The following MLLT10 variants were observed in gnomAD, a reference collection of about 807,000 sequenced individuals.
MLLT10 encodes MLLT10 histone lysine methyltransferase DOT1L cofactor.
MLLT10 carries 30 observed loss-of-function variants against 129.1 expected under a neutral mutation model. That is an observed-to-expected ratio of 0.23 (90% confidence interval 0.17 to 0.32). MLLT10 has a LOEUF of 0.32. Ranked by LOEUF, MLLT10 falls within the 10% of genes least tolerant of loss-of-function variation. The pLI is 1.00. For synonymous variants in MLLT10, 490 were observed against 446.4 expected (o/e 1.10, Z -1.23); for missense variants, 1,119 against 1,268.3 (o/e 0.88, Z 1.79).
intron 3 of MLLT10, among the ~76,000 whole-genome samples, chr10:21,580,669 C>T (rs181938416): frequency 2.0e-4 from 31 of 151,990 alleles, no homozygotes; most frequent in Middle Eastern, 3.4e-3. Flanking sequence ...GGATTACAGG[C>T]GTGAGCCTCC....
intron 4 of MLLT10, among the ~76,000 whole-genome samples, chr10:21,590,223 G>A (rs1012188142): frequency 2.6e-5 from 4 of 152,112 alleles, no homozygotes; most frequent in African/African-American, 9.7e-5. Flanking sequence ...TTACAGGCTT[G>A]AGCCCTTGGG....
chr10:21,590,156 G>A (rs2042364098), intron 4 of MLLT10, among the ~76,000 whole-genome samples: 1 of 151,978 alleles, frequency 6.6e-6, no homozygotes, highest in Non-Finnish European at 1.5e-5. Context: ...GCCGAGGGTC[G>A]TCTCGAACAT....
At chr10:21,668,363 C>G (rs759449198) in intron 9 of MLLT10, among the ~76,000 whole-genome samples, 24 of 151,996 alleles carry the variant, frequency 1.6e-4, no homozygotes, top group Non-Finnish European at 2.8e-4. Flanking sequence ...AATGGAATTC[C>G]CTAGTGCCAT....
intron 14 of MLLT10, among the ~76,000 whole-genome samples, chr10:21,718,694 T>C (rs2056920856): frequency 6.6e-6 from 1 of 152,216 alleles, no homozygotes; most frequent in Admixed American, 6.5e-5. Context: ...ATTTAGGAAA[T>C]GCAGATATTT....
chr10:21,738,541 A>G (rs1424201046), intron 21 of MLLT10: 9 of 1,285,434 alleles, frequency 7.0e-6, no homozygotes, highest in Non-Finnish European at 8.1e-6. Flanking sequence ...GTTCATTTAC[A>G]GGGATCAAAC....
intron 5 of MLLT10, 55 bp downstream of exon 5, chr10:21,595,495 G>T: frequency 7.2e-7 from 1 of 1,381,520 alleles, no homozygotes. Flanking sequence ...GAAGTAGAAA[G>T]GAAGTTTTTG....
At chr10:21,612,474 A>G (rs747316676) in intron 6 of MLLT10, 23 bp downstream of exon 6, 19 of 1,459,884 alleles carry the variant, frequency 1.3e-5, no homozygotes, top group Non-Finnish European at 1.8e-5. Flanking sequence ...CCATTGTTGC[A>G]CAGAACTGAA....
intron 7 of MLLT10, among the ~76,000 whole-genome samples, chr10:21,615,412 C>T (rs1251426253): frequency 7.2e-6 from 1 of 139,732 alleles, no homozygotes; most frequent in Admixed American, 8.0e-5. Flanking sequence ...AGCCGAGATC[C>T]TGCCATTACA....
chr10:21,670,978 G>T (rs1340301237), intron 10 of MLLT10: 1 of 302,878 alleles, frequency 3.3e-6, no homozygotes, highest in African/African-American at 2.2e-5. Flanking sequence ...GCTTAAAATT[G>T]GGGAGAAAAA....
intron 3 of MLLT10, among the ~76,000 whole-genome samples, chr10:21,577,560 C>T (rs1326029298): frequency 6.6e-6 from 1 of 151,506 alleles, no homozygotes; most frequent in African/African-American, 2.4e-5. Context: ...CAGTCTTCAC[C>T]TCCTGGGTTC....
intron 8 of MLLT10, among the ~76,000 whole-genome samples, chr10:21,643,987 T>G (rs2048253223): frequency 6.6e-6 from 1 of 152,240 alleles, no homozygotes; most frequent in South Asian, 2.1e-4. Flanking sequence ...CTTTTAACAC[T>G]TTAACAATTC....
At position 21,695,162 on chromosome 10, in the gene MLLT10, C is replaced by T. The variant is rs939258612; in HGVS notation, c.1699+12905C>T. 2.6e-4 allele frequency among the ~76,000 whole-genome samples: 39 copies of T among 149,618 alleles called. 1 individual carries two copies. The highest frequency in any genetic ancestry group is 4.7e-4 in the Admixed American group (7 of 14,858). ...TTGGCTCACTGCAACCTCTGCCTTG[C>T]GGGTTCAAGCGATTCTCGTGCTTCA... On this transcript the variant is annotated intron_variant, in intron 13 of 22. Transcript: ENST00000307729.
In MLLT10 at chr10:21,535,589, A is replaced by T. The variant is rs527861298; in HGVS notation, c.160+785A>T. Among the ~76,000 whole-genome samples the T allele has an allele frequency of 2.6e-5, 4 of 152,302 alleles. No homozygotes were observed. The South Asian group carries it at 8.3e-4, about 32-fold the overall frequency. On this transcript the variant is annotated intron_variant, in intron 2 of 22. Transcript: ENST00000307729. ...TTAACAATTGATGAGGTTTTTGGAT[A>T]TACAAGAAGGCCGAGGACACTAGTA...
intron 13 of MLLT10, among the ~76,000 whole-genome samples, chr10:21,712,560 C>T (rs1479716333): frequency 1.1e-4 from 16 of 152,138 alleles, no homozygotes; most frequent in Admixed American, 1.0e-3. Context: ...TCATTCTTTC[C>T]TCCTGTTTCT....
Position 21,681,335 on chromosome 10 carries a change from T to C in MLLT10, c.1625T>C (p.Ile542Thr). The change falls in exon 12 of 23, where the codon ATT becomes ACT. Residue 542 changes from isoleucine (I) to threonine (T), a missense_variant. Physicochemically the swap from Ile to Thr is moderately conservative, Grantham distance 89. This residue lies in a region of MLLT10 where 1,004 missense variants were observed against 1,008.7 expected (regional missense o/e 1.00). Coordinates refer to ENST00000307729, the MANE Select transcript of MLLT10 (RefSeq NM_001195626.3). Reference protein sequence around the residue: ...SVGSSPVGSEISMQYRHDGAC... With the variant: ...SVGSSPVGSETSMQYRHDGAC... ...CCTTTTTCCTTCCTCTCAACAGAAA[T>C]TTCCATGCAGTATCGGCATGATGGA... is the stretch of plus-strand genomic sequence containing the variant. 1 of 1,612,658 alleles carries C rather than the reference T, an allele frequency of 6.2e-7. No homozygotes were observed. The highest frequency in any genetic ancestry group is 8.5e-7 in the Non-Finnish European group (1 of 1,179,686).
At position 21,740,096 on chromosome 10, in the gene MLLT10, C is replaced by T. The variant is rs780279804; in HGVS notation, c.3022C>T (p.Leu1008Phe). ...HHHQQHHQPE[L>F]QQLQIPGPTQ... Reference sequence around the variant, plus strand: ...CCACCAGCAGCACCACCAACCTGAACTTCAGCAGCTGCAGATCCCTGGACC... The same window carrying T: ...CCACCAGCAGCACCACCAACCTGAATTTCAGCAGCTGCAGATCCCTGGACC... The change falls in exon 22 of 23, where the codon CTT (leucine) becomes TTT (phenylalanine). Residue 1008 changes from leucine to phenylalanine, a missense_variant. By Grantham distance (22) the Leu-to-Phe change is conservative (BLOSUM62 0). This residue lies in a region of MLLT10 where 1,004 missense variants were observed against 1,008.7 expected (regional missense o/e 1.00). Transcript: ENST00000307729. The T allele has an allele frequency of 6.2e-7, 1 of 1,614,006 alleles. No homozygotes were observed. Among genetic ancestry groups the T allele is most frequent in the African/African-American group, 1.3e-5 (1 of 74,920 alleles).
chr10:21,558,622 G>A (rs2038384869), intron 3 of MLLT10, among the ~76,000 whole-genome samples: 2 of 151,626 alleles, frequency 1.3e-5, no homozygotes, highest in South Asian at 2.1e-4. Context: ...CTGGCCTCAC[G>A]CAGTCCTCCC....
chr10:21,637,448 G>A (rs1235474222), intron 8 of MLLT10, among the ~76,000 whole-genome samples: 4 of 152,200 alleles, frequency 2.6e-5, no homozygotes, highest in African/African-American at 4.8e-5. Context: ...AGAGGAATCT[G>A]GCGTTGTGAA....
rs1833927208 is a variant in MLLT10 at position 21,743,615 on chromosome 10, T to C, written c.*1632T>C. 5.8e-6 allele frequency: 1 copy of C among 171,726 alleles called. No homozygotes were observed. The highest frequency in any genetic ancestry group is 2.0e-4 in the South Asian group (1 of 4,984). The allele number at this position is 171,726 out of a possible 1,614,324, so 10.6% of individuals were successfully genotyped here. On this transcript the variant is annotated 3_prime_UTR_variant, in exon 23 of 23. Transcript: ENST00000307729. ...GTACAAAATGTTTTGTTAATAAAAT[T>C]TAATAATGTTTATAACTCCGTGCCA...
Sources: gnomAD v4.1 joint callset for allele counts (sites outside exome capture counted in the v4.1 genomes callset) on GRCh38, gnomAD v4.1.1 for gene constraint, gnomAD v4.1.1 regional missense constraint, MANE v1.5 for transcripts, NCBI Gene and HGNC (gene_info 2026-07-23, HGNC 2026-07-21) for gene names.